ASIC2: variants seen among roughly 807,000 people sequenced by gnomAD.
The protein encoded by ASIC2 is acid sensing ion channel subunit 2, also known as acid-sensing ion channel 2.
A neutral mutation model predicts 57.3 loss-of-function variants in ASIC2; 25 were observed. That is an observed-to-expected ratio of 0.44 (90% CI 0.32 to 0.61). The LOEUF is 0.61. Ranked by LOEUF, ASIC2 falls within the 20% of genes least tolerant of loss-of-function variation. ASIC2 has a pLI of 0.06. For missense variants in ASIC2, 641 were observed against 738.1 expected (o/e 0.87, Z 1.52); for synonymous variants, 319 against 307.5 (o/e 1.04, Z -0.39).
intron 1 of ASIC2, among the ~76,000 whole-genome samples, chr17:33,505,319 G>C (rs1383893909): frequency 6.6e-6 from 1 of 151,722 alleles, no homozygotes; most frequent in Non-Finnish European, 1.5e-5. Context: ...GACTAGGCAG[G>C]GAGTTAACTT....
intron 1 of ASIC2, among the ~76,000 whole-genome samples, chr17:33,506,493 G>A (rs1265185949): frequency 6.6e-6 from 1 of 151,626 alleles, no homozygotes. Flanking sequence ...GAGGAAGAGA[G>A]AGAATATACC....
chr17:33,106,714 A>T (rs1597580607), intron 2 of ASIC2, among the ~76,000 whole-genome samples: 1 of 151,616 alleles, frequency 6.6e-6, no homozygotes, highest in East Asian at 1.9e-4. Flanking sequence ...AGGGGCGGGC[A>T]CCTGACTGGA....
intron 1 of ASIC2, among the ~76,000 whole-genome samples, chr17:33,729,442 T>G (rs1201822343): frequency 6.6e-6 from 1 of 152,158 alleles, no homozygotes. Context: ...TGACATGAGA[T>G]CTGGAGGGGA....
At chr17:33,683,494 C>T (rs117922372) in intron 1 of ASIC2, among the ~76,000 whole-genome samples, 418 of 152,328 alleles carry the variant, frequency 2.7e-3, no homozygotes, top group Non-Finnish European at 4.4e-3. Flanking sequence ...ACCTCAGCCT[C>T]CCAAGTAGGT....
At chr17:34,132,155 G>C (rs917959089) in intron 1 of ASIC2, among the ~76,000 whole-genome samples, 7 of 152,180 alleles carry the variant, frequency 4.6e-5, no homozygotes, top group African/African-American at 1.7e-4. Flanking sequence ...TATGGCTTCA[G>C]AAAAGTGCTT....
intron 1 of ASIC2, among the ~76,000 whole-genome samples, chr17:33,964,014 T>G (rs769666026): frequency 6.6e-6 from 1 of 152,208 alleles, no homozygotes; most frequent in Non-Finnish European, 1.5e-5. Flanking sequence ...AACTGTGGGA[T>G]GCACTCAGAA....
At chr17:33,907,061 T>C (rs536954394) in intron 1 of ASIC2, among the ~76,000 whole-genome samples, 1 of 152,202 alleles carries the variant, frequency 6.6e-6, no homozygotes, top group East Asian at 1.9e-4. Flanking sequence ...TATAGAGAGC[T>C]CAGGTAAATC....
chr17:33,160,590 G>A (rs1005517252), intron 1 of ASIC2, among the ~76,000 whole-genome samples: 3 of 152,264 alleles, frequency 2.0e-5, no homozygotes, highest in African/African-American at 7.2e-5. Flanking sequence ...CATGGGCAGA[G>A]CCTCTCTCCC....
intron 1 of ASIC2, among the ~76,000 whole-genome samples, chr17:33,877,205 G>A (rs1456550476): frequency 6.6e-6 from 1 of 152,210 alleles, no homozygotes; most frequent in African/African-American, 2.4e-5. Flanking sequence ...CGCAGAAGAT[G>A]GGTGATTTCT....
rs1157883651 is a variant in ASIC2 at position 33,387,704 on chromosome 17, G to A, written c.556-275637C>T. 3.3e-5 allele frequency among the ~76,000 whole-genome samples: 5 copies of A among 152,296 alleles called. No homozygotes were observed. In the East Asian group the frequency reaches 5.8e-4, roughly 18 times the overall value. ...TAAGATGGGGCCATTACCCTGGCCC[G>A]GAAAGCAATCTTCTAAGAGAGAGGT... On this transcript the variant is annotated intron_variant, in intron 1 of 9. Coordinates refer to the ASIC2 transcript ENST00000359872.
intron 1 of ASIC2, among the ~76,000 whole-genome samples, chr17:33,821,612 C>T (rs1004518014): frequency 6.6e-6 from 1 of 152,160 alleles, no homozygotes; most frequent in Non-Finnish European, 1.5e-5. Context: ...GCCTTGTTTC[C>T]CAAGTCTAAT....
At chr17:33,434,397 C>T (rs1911531871) in intron 1 of ASIC2, among the ~76,000 whole-genome samples, 1 of 151,942 alleles carries the variant, frequency 6.6e-6, no homozygotes, top group African/African-American at 2.4e-5. Context: ...GTGACCAACA[C>T]CAAAATATAT....
intron 2 of ASIC2, among the ~76,000 whole-genome samples, chr17:33,099,430 G>A (rs1376195975): frequency 6.6e-6 from 1 of 152,212 alleles, no homozygotes; most frequent in Non-Finnish European, 1.5e-5. Flanking sequence ...CTTATACACT[G>A]TGGGGTGATG....
rs1331027474 is a variant in ASIC2, at chr17:33,752,441, A to G, written c.555+403537T>C. On this transcript the variant is annotated intron_variant, in intron 1 of 9. Coordinates refer to the ASIC2 transcript ENST00000359872. ...GAAAAGACAAGCCACAGACTGGAAGAAAACATTTACAAAGCACATATCTGA... is the reference window on the plus strand; with the variant it reads ...GAAAAGACAAGCCACAGACTGGAAGGAAACATTTACAAAGCACATATCTGA... Among the ~76,000 whole-genome samples the G allele has an allele frequency of 2.6e-5, 4 of 152,226 alleles. No homozygotes were observed. The East Asian group carries it at 5.8e-4, about 22-fold the overall frequency.
chr17:33,255,427 C>T (rs1265309221), intron 1 of ASIC2, among the ~76,000 whole-genome samples: 2 of 151,928 alleles, frequency 1.3e-5, no homozygotes, highest in Non-Finnish European at 2.9e-5. Flanking sequence ...TGTTGACACG[C>T]GATAAGGTAA....
chr17:33,710,508 C>A (rs1473647526), intron 1 of ASIC2, among the ~76,000 whole-genome samples: 2 of 152,186 alleles, frequency 1.3e-5, no homozygotes, highest in East Asian at 3.8e-4. Flanking sequence ...GTCAGGTCTG[C>A]AATCTGGTGA....
intron 1 of ASIC2, among the ~76,000 whole-genome samples, chr17:33,616,655 C>CT (rs35043938): frequency 0.054 from 8,257 of 152,282 alleles, 679 homozygotes; most frequent in African/African-American, 0.17. Context: ...AGTATCATCT[C>CT]GCTTTTCTAA....
At chr17:33,063,990 T>A (rs1332325580) in intron 3 of ASIC2, among the ~76,000 whole-genome samples, 2 of 152,242 alleles carry the variant, frequency 1.3e-5, no homozygotes, top group Non-Finnish European at 2.9e-5. Flanking sequence ...GTAGTTCTCG[T>A]GCCATGGTTT....
chr17:33,414,092 T>G (rs1910754954), intron 1 of ASIC2, among the ~76,000 whole-genome samples: 1 of 152,100 alleles, frequency 6.6e-6, no homozygotes, highest in African/African-American at 2.4e-5. Context: ...AGCAGCCCAG[T>G]GGCCTACTCT....
Sources: gnomAD v4.1 joint callset for allele counts (sites outside exome capture counted in the v4.1 genomes callset) on GRCh38, gnomAD v4.1.1 for gene constraint, MANE v1.5 for transcripts, NCBI Gene and HGNC (gene_info 2026-07-23, HGNC 2026-07-21) for gene names.